C2orf76: variants seen among roughly 807,000 people sequenced by gnomAD.
C2orf76 encodes the protein UPF0538 protein C2orf76.
C2orf76 carries 23 observed loss-of-function variants against 16.9 expected under a neutral mutation model. That is an observed-to-expected ratio of 1.36 (90% CI 0.98 to 1.93). The LOEUF is 1.93. Among genes scored for constraint, C2orf76 ranks in the 30% most tolerant of loss-of-function variants. C2orf76 has a pLI of 0.00. For synonymous variants in C2orf76, 48 were observed against 52.3 expected (o/e 0.92, Z 0.35); for missense variants, 152 against 152.6 (o/e 1.00, Z 0.02).
At chr2:119,365,268 C>T (rs926141489) in intron 1 of C2orf76, among the ~76,000 whole-genome samples, 1 of 152,172 alleles carries the variant, frequency 6.6e-6, no homozygotes, top group African/African-American at 2.4e-5. Flanking sequence ...ATCAAGGAAG[C>T]TGTAAGCACC....
At chr2:119,365,456 T>C (rs1680910455) in intron 1 of C2orf76, among the ~76,000 whole-genome samples, 2 of 152,240 alleles carry the variant, frequency 1.3e-5, no homozygotes, top group African/African-American at 2.4e-5. Flanking sequence ...CTGAAAACCC[T>C]AGATTTGTTC....
At chr2:119,300,697 A>C (rs74336257), downstream of C2orf76, among the ~76,000 whole-genome samples, 5,904 of 152,342 alleles carry the variant, frequency 0.039, 365 homozygotes, top group African/African-American at 0.13. Flanking sequence ...ACATATGCTC[A>C]GAACATTTAC....
chr2:119,333,416 G>C (rs1345948245), intron 2 of C2orf76, among the ~76,000 whole-genome samples: 1 of 152,174 alleles, frequency 6.6e-6, no homozygotes, highest in Non-Finnish European at 1.5e-5. Flanking sequence ...TTATAAATTA[G>C]AAAGACACTT....
intron 4 of C2orf76, 40 bp from the exon 5 acceptor site, chr2:119,311,743 AC>A: frequency 6.4e-7 from 1 of 1,559,878 alleles, no homozygotes; most frequent in Non-Finnish European, 8.7e-7. Context: ...ATCAGTACTT[AC>A]ATGGGTTTGT....
intron 1 of C2orf76, among the ~76,000 whole-genome samples, chr2:119,354,386 G>A (rs942028251): frequency 1.6e-4 from 24 of 152,242 alleles, no homozygotes; most frequent in African/African-American, 3.6e-4. Context: ...TTAGCCGGGC[G>A]TGGTGGCACG....
chr2:119,285,664 C>A, the C2orf76 span, among the ~76,000 whole-genome samples: 2 of 152,200 alleles, frequency 1.3e-5, no homozygotes, highest in Admixed American at 6.5e-5. Flanking sequence ...TGCTGAGACA[C>A]AGGTAATCTC....
chr2:119,325,006 T>G (rs1402029509), intron 2 of C2orf76, among the ~76,000 whole-genome samples: 2 of 152,128 alleles, frequency 1.3e-5, no homozygotes, highest in Admixed American at 1.3e-4. Context: ...AGAAGTGGAA[T>G]GGCTGGATCA....
the C2orf76 span, among the ~76,000 whole-genome samples, chr2:119,290,639 G>A: frequency 8.6e-5 from 13 of 151,902 alleles, 1 homozygote; most frequent in Admixed American, 7.9e-4. Context: ...AGACCAACCC[G>A]GCCAACATGG....
chr2:119,285,476 C>T, the C2orf76 span, among the ~76,000 whole-genome samples: 4,114 of 152,286 alleles, frequency 0.027, 191 homozygotes, highest in African/African-American at 0.093. Flanking sequence ...AGGATCTGTC[C>T]CGTTTCCCTG....
At chr2:119,281,137 T>C in the C2orf76 span, among the ~76,000 whole-genome samples, 2 of 152,206 alleles carry the variant, frequency 1.3e-5, no homozygotes, top group Non-Finnish European at 2.9e-5. Context: ...AACTTAATTT[T>C]ATTTTTAGCT....
At chr2:119,340,048 T>A in intron 1 of C2orf76, 77 bp from the exon 2 acceptor site, 1 of 1,488,274 alleles carries the variant, frequency 6.7e-7, no homozygotes, top group Middle Eastern at 1.8e-4. Context: ...TGCATCTCTA[T>A]CAGCTCTCTG....
chr2:119,290,779 G>A, the C2orf76 span, among the ~76,000 whole-genome samples: 2 of 152,092 alleles, frequency 1.3e-5, no homozygotes, highest in Admixed American at 6.6e-5. Context: ...GCGGTGAGCC[G>A]AGATCGTGCC....
At chr2:119,282,126 A>C in the C2orf76 span, among the ~76,000 whole-genome samples, 1 of 151,466 alleles carries the variant, frequency 6.6e-6, no homozygotes, top group Non-Finnish European at 1.5e-5. Flanking sequence ...AGCCTGGGCA[A>C]CAGAGCCAGA....
chr2:119,348,154 T>G (rs1037854999), intron 1 of C2orf76, among the ~76,000 whole-genome samples: 1 of 151,912 alleles, frequency 6.6e-6, no homozygotes, highest in African/African-American at 2.4e-5. Flanking sequence ...ACATTTTTCA[T>G]AATAAAAACA....
rs187490546 is a variant in C2orf76 at position 119,360,162 on chromosome 2, G to A, written c.-13+6628C>T. On this transcript the variant is annotated intron_variant, in intron 1 of 5. Transcript: ENST00000334816. ...GTCAGGTGATAGTTAGCATTTTTTA[G>A]CAATCAAGTATCTTTAATTCAGATA... Among the ~76,000 whole-genome samples the A allele has an allele frequency of 1.7e-3, 253 of 152,280 alleles. 3 individuals are homozygous for A. Among genetic ancestry groups the A allele is most frequent in the African/African-American group, 5.9e-3 (245 of 41,558 alleles).
At chr2:119,325,518 C>A (rs945223338) in intron 2 of C2orf76, among the ~76,000 whole-genome samples, 5 of 149,138 alleles carry the variant, frequency 3.4e-5, no homozygotes, top group Non-Finnish European at 7.4e-5. Context: ...ACTCAGGAGG[C>A]TGAAGCAGGA....
downstream of C2orf76, among the ~76,000 whole-genome samples, chr2:119,301,907 C>T (rs1010296653): frequency 6.8e-6 from 1 of 147,558 alleles, no homozygotes; most frequent in Non-Finnish European, 1.5e-5. Context: ...TTTGTATAGG[C>T]TGCAATACTT....
At chr2:119,344,165 T>C (rs1344892470) in intron 1 of C2orf76, among the ~76,000 whole-genome samples, 1 of 152,246 alleles carries the variant, frequency 6.6e-6, no homozygotes, top group Non-Finnish European at 1.5e-5. Flanking sequence ...TTCTTTTATG[T>C]GCTTCAATTT....
chr2:119,291,235 C>T, the C2orf76 span, among the ~76,000 whole-genome samples: 1 of 151,904 alleles, frequency 6.6e-6, no homozygotes, highest in Non-Finnish European at 1.5e-5. Flanking sequence ...TCGGCTGGTG[C>T]CTGGCAGGTA....
Sources: gnomAD v4.1 joint callset for allele counts (sites outside exome capture counted in the v4.1 genomes callset) on GRCh38, gnomAD v4.1.1 for gene constraint, MANE v1.5 for transcripts, NCBI Gene and HGNC (gene_info 2026-07-23, HGNC 2026-07-21) for gene names.